Variants in SNAP47 observed in about 807,000 individuals in gnomAD.
SNAP47 encodes the protein synaptosome associated protein 47.
In SNAP47, 20 loss-of-function variants were observed where a neutral mutation model predicts 31.4. The observed-to-expected ratio is 0.64, with a 90% CI of 0.45 to 0.93. The LOEUF (loss-of-function observed/expected upper bound fraction) is 0.93. SNAP47 is among the 40% of genes least tolerant of loss of function. The probability of loss-of-function intolerance (pLI) is 0.00; values close to 1 mark genes in which losing one functional copy is unlikely to be tolerated. For synonymous variants in SNAP47, 194 were observed against 213.4 expected (o/e 0.91, Z 0.79); for missense variants, 492 against 528.5 (o/e 0.93, Z 0.68).
chr1:227,752,248 TC>T (rs959648886), intron 2 of SNAP47, among the ~76,000 whole-genome samples: 2 of 152,142 alleles, frequency 1.3e-5, no homozygotes, highest in Non-Finnish European at 2.9e-5. Flanking sequence ...GTTCCCTTTT[TC>T]TTTTTTTCCT....
At position 227,747,884 on chromosome 1, in the gene SNAP47, C is replaced by A. The variant is rs1160531477; in HGVS notation, c.148C>A (p.Leu50Ile). ...TGGAGAGATTCTGGTCAGCTTCCCC[C>A]TCTCCAGCATAGTTGAGATCAAGAA... ...STGEILVSFP[L>I]SSIVEIKKEA... The change falls in exon 2 of 5, where the codon CTC (leucine) becomes ATC (isoleucine). Residue 50 changes from leucine to isoleucine, a missense_variant. By Grantham distance (5) the Leu-to-Ile change is conservative (BLOSUM62 2). Transcript: ENST00000617596. 14 of 1,614,090 alleles carry A rather than the reference C, an allele frequency of 8.7e-6. No individual in the cohort carries two copies. The highest frequency in any genetic ancestry group is 1.2e-5 in the Non-Finnish European group (14 of 1,180,026).
intron 3 of SNAP47, among the ~76,000 whole-genome samples, chr1:227,764,883 G>A (rs1456147209): frequency 5.3e-5 from 8 of 151,990 alleles, no homozygotes; most frequent in Non-Finnish European, 1.0e-4. Flanking sequence ...CAGCCTGGGC[G>A]ACAGAGCAAG....
intron 1 of SNAP47, among the ~76,000 whole-genome samples, chr1:227,739,650 G>T (rs935261025): frequency 1.3e-5 from 2 of 152,216 alleles, no homozygotes; most frequent in African/African-American, 4.8e-5. Flanking sequence ...TTGTTTACTG[G>T]GTACTGAGCC....
At position 227,767,026 on chromosome 1, in the gene SNAP47, G is replaced by A. The variant is rs779512811; in HGVS notation, c.1056G>A (p.Leu352=). The change falls in exon 4 of 5, where the codon CTG becomes CTA. Residue 352 remains leucine, a synonymous_variant. Transcript: ENST00000617596. ...CAGGAGACCAGGAGGGCACAGCACTGCACCTGCAGACAAGCCTGCCAGCCC... is the reference window on the plus strand; with the variant it reads ...CAGGAGACCAGGAGGGCACAGCACTACACCTGCAGACAAGCCTGCCAGCCC... ...PPAGDQEGTA[L]HLQTSLPALS... is the part of the protein sequence containing the mutation. The A allele has an allele frequency of 3.1e-6, 5 of 1,614,044 alleles. No individual in the cohort carries two copies. The highest frequency in any genetic ancestry group is 1.3e-5 in the African/African-American group (1 of 75,064).
rs549141989 is a variant in SNAP47 at position 227,747,946 on chromosome 1, C to G, written c.210C>G (p.Ile70Met). ...ASHFIFSSITILEKGHAKHWF... is the reference protein window; with the variant it reads ...ASHFIFSSITMLEKGHAKHWF... Reference sequence around the variant, plus strand: ...ATTTTATCTTCAGCTCCATCACCATCCTGGAGAAGGGCCATGCCAAGCACT... The same window carrying G: ...ATTTTATCTTCAGCTCCATCACCATGCTGGAGAAGGGCCATGCCAAGCACT... The change falls in exon 2 of 5, where the codon ATC becomes ATG. Residue 70 changes from isoleucine to methionine, a missense_variant. Physicochemically the swap from Ile to Met is conservative, Grantham distance 10. Coordinates refer to ENST00000617596, the MANE Select transcript of SNAP47 (RefSeq NM_053052.4). 3.1e-6 allele frequency: 5 copies of G among 1,614,240 alleles called. No individual in the cohort carries two copies. The highest frequency in any genetic ancestry group is 2.2e-5 in the South Asian group (2 of 91,086).
chr1:227,744,699 C>A (rs1661841384), intron 1 of SNAP47, among the ~76,000 whole-genome samples: 1 of 152,172 alleles, frequency 6.6e-6, no homozygotes, highest in African/African-American at 2.4e-5. Context: ...TGTGGCAACG[C>A]CCTGGCAGTC....
At chr1:227,754,340 C>G (rs886736327) in intron 2 of SNAP47, among the ~76,000 whole-genome samples, 1 of 152,208 alleles carries the variant, frequency 6.6e-6, no homozygotes, top group Non-Finnish European at 1.5e-5. Context: ...GCTAGGGTCT[C>G]AGGGTGTTTA....
chr1:227,768,226 T>G (rs2102980001), intron 4 of SNAP47: 1 of 971,708 alleles, frequency 1.0e-6, no homozygotes, highest in East Asian at 1.1e-4. Context: ...CAGGTGCAGC[T>G]TCCGTCTCGT....
intron 3 of SNAP47, among the ~76,000 whole-genome samples, chr1:227,764,258 G>T (rs971074371): frequency 3.9e-5 from 6 of 152,228 alleles, no homozygotes; most frequent in Non-Finnish European, 8.8e-5. Context: ...TGTGGCTCTG[G>T]AGATGGCAGC....
At chr1:227,733,679 G>A (rs778637248), upstream of SNAP47, 5 of 1,600,186 alleles carry the variant, frequency 3.1e-6, no homozygotes, top group East Asian at 2.2e-5. Flanking sequence ...ATGGAACGGG[G>A]ACCTGCGGCA....
intron 3 of SNAP47, among the ~76,000 whole-genome samples, chr1:227,765,353 G>A (rs983751533): frequency 2.9e-4 from 44 of 152,180 alleles, no homozygotes; most frequent in African/African-American, 8.4e-4. Flanking sequence ...CGAGGTGGAC[G>A]GGGGCCACCC....
At chr1:227,738,259 C>T (rs1159525296) in intron 1 of SNAP47, among the ~76,000 whole-genome samples, 1 of 152,138 alleles carries the variant, frequency 6.6e-6, no homozygotes, top group Non-Finnish European at 1.5e-5. Context: ...TCAGGCTGGT[C>T]TCGAACTCCT....
At chr1:227,732,726 G>C (rs41270157), upstream of SNAP47, 13,952 of 1,601,876 alleles carry the variant, frequency 8.7e-3, 117 homozygotes, top group South Asian at 0.03. Flanking sequence ...CACAGTCCAA[G>C]CTGCAAAGGA....
chr1:227,745,038 G>A lies in SNAP47; in HGVS notation c.-45-2654G>A, dbSNP rs75702810. ...CAGGATCTGTGTGGCCTGTGTGGCT[G>A]TGCTCTTCTCCCTGGGCTTTTGCCT... On this transcript the variant is annotated intron_variant, in intron 1 of 4. Coordinates refer to ENST00000617596, the MANE Select transcript of SNAP47 (RefSeq NM_053052.4). Among the ~76,000 whole-genome samples, 1,169 of 152,346 alleles carry A rather than the reference G, an allele frequency of 7.7e-3. 10 individuals are homozygous for A. Among genetic ancestry groups the A allele is most frequent in the African/African-American group, 0.026 (1,063 of 41,570 alleles).
chr1:227,773,497 G>A (rs1663959027), intron 4 of SNAP47, among the ~76,000 whole-genome samples: 1 of 152,172 alleles, frequency 6.6e-6, no homozygotes, highest in South Asian at 2.1e-4. Context: ...AATAAATTTA[G>A]TGGAGCCTTA....
chr1:227,728,581 G>A (rs1022222088), upstream of SNAP47: 2 of 57,362 alleles, frequency 3.5e-5, no homozygotes, highest in Non-Finnish European at 7.0e-5. Context: ...TGTCCCTCCC[G>A]GCCCCGCCCC....
chr1:227,735,132 A>T, upstream of SNAP47: 1 of 1,580,492 alleles, frequency 6.3e-7, no homozygotes, highest in Non-Finnish European at 8.6e-7. Context: ...GGCAGCAAGA[A>T]GCCCCGCACA....
chr1:227,735,183 C>A (rs368383751), upstream of SNAP47: 1 of 1,580,548 alleles, frequency 6.3e-7, no homozygotes, highest in Non-Finnish European at 8.6e-7. Context: ...GAGACGAAGG[C>A]TACCCGGCCC....
chr1:227,751,028 C>A (rs1466383724), intron 2 of SNAP47, among the ~76,000 whole-genome samples: 1 of 152,158 alleles, frequency 6.6e-6, no homozygotes, highest in Non-Finnish European at 1.5e-5. Flanking sequence ...ATGGGCCTGT[C>A]CCTTCTTCTG....
Sources: gnomAD v4.1 joint callset for allele counts (sites outside exome capture counted in the v4.1 genomes callset) on GRCh38, gnomAD v4.1.1 for gene constraint, MANE v1.5 for transcripts, NCBI Gene and HGNC (gene_info 2026-07-23, HGNC 2026-07-21) for gene names.